The following OR14I1 variants were observed in gnomAD, a reference collection of about 807,000 sequenced individuals.
The protein encoded by OR14I1 is olfactory receptor 14I1.
For synonymous variants in OR14I1, 118 were observed against 71.1 expected (o/e 1.66, Z -3.32); for missense variants, 279 against 181.8 (o/e 1.53, Z -3.07).
chr1:248,686,971 A>G (rs1661666496), upstream of OR14I1, among the ~76,000 whole-genome samples: 1 of 152,336 alleles, frequency 6.6e-6, no homozygotes, highest in East Asian at 1.9e-4. Flanking sequence ...CTGGGCCGCC[A>G]CAGTCTGGAG....
chr1:248,702,527 G>T, the OR14I1 span, among the ~76,000 whole-genome samples: 20 of 150,200 alleles, frequency 1.3e-4, no homozygotes, highest in African/African-American at 4.4e-4. Context: ...ACTTTTTTTT[G>T]CCTTTCCCAC....
the OR14I1 span, among the ~76,000 whole-genome samples, chr1:248,695,465 C>A: frequency 6.6e-6 from 1 of 152,088 alleles, no homozygotes; most frequent in Non-Finnish European, 1.5e-5. Flanking sequence ...GATCACCTGA[C>A]CTCGTGATCC....
chr1:248,691,842 C>A, the OR14I1 span: 1 of 152,412 alleles, frequency 6.6e-6, no homozygotes, highest in Non-Finnish European at 1.5e-5. Flanking sequence ...ACGCAGCTGC[C>A]GGTCCAGCTG....
At chr1:248,701,610 TACTG>T in the OR14I1 span, among the ~76,000 whole-genome samples, 1 of 152,232 alleles carries the variant, frequency 6.6e-6, no homozygotes, top group Non-Finnish European at 1.5e-5. Context: ...ATGTTCATAA[TACTG>T]AGTGGACACA....
chr1:248,686,219 A>G (rs1661647930), upstream of OR14I1, among the ~76,000 whole-genome samples: 1 of 152,220 alleles, frequency 6.6e-6, no homozygotes, highest in African/African-American at 2.4e-5. Flanking sequence ...AAGAGACCTG[A>G]ATTCTTGTCA....
chr1:248,696,637 G>A, the OR14I1 span, among the ~76,000 whole-genome samples: 2 of 152,142 alleles, frequency 1.3e-5, no homozygotes, highest in Non-Finnish European at 2.9e-5. Context: ...TAAGTGTTTG[G>A]AAGTAGACCT....
At chr1:248,692,028 G>C in the OR14I1 span, 1 of 152,418 alleles carries the variant, frequency 6.6e-6, no homozygotes, top group African/African-American at 2.4e-5. Flanking sequence ...GCCCAGCAGC[G>C]GAAAGGCCAT....
chr1:248,687,822 A>G, the OR14I1 span, among the ~76,000 whole-genome samples: 1 of 152,254 alleles, frequency 6.6e-6, no homozygotes, highest in Non-Finnish European at 1.5e-5. Flanking sequence ...GCAATACTAT[A>G]AGGCAGTAGA....
the OR14I1 span, among the ~76,000 whole-genome samples, chr1:248,696,434 G>A: frequency 6.6e-6 from 1 of 152,142 alleles, no homozygotes; most frequent in East Asian, 1.9e-4. Context: ...GCCCATGACA[G>A]CAGGTGGCAG....
At chr1:248,678,856 T>A (rs1303045490), downstream of OR14I1, among the ~76,000 whole-genome samples, 1 of 151,708 alleles carries the variant, frequency 6.6e-6, no homozygotes, top group South Asian at 2.1e-4. Flanking sequence ...GAAAAAAAAA[T>A]AATTAGAATT....
downstream of OR14I1, among the ~76,000 whole-genome samples, chr1:248,680,002 AG>A (rs1661531422): frequency 6.6e-6 from 1 of 152,230 alleles, no homozygotes; most frequent in Non-Finnish European, 1.5e-5. Context: ...TTTCAAGAAC[AG>A]GAAAAAACAC....
chr1:248,681,896 C>G (rs1661573078), exon 1 of OR14I1: 2 of 780,934 alleles, frequency 2.6e-6, no homozygotes, highest in African/African-American at 1.7e-5. Context: ...TAGCACCCTC[C>G]TGATGTCATC....
chr1:248,690,687 T>G, the OR14I1 span, among the ~76,000 whole-genome samples: 326 of 146,176 alleles, frequency 2.2e-3, 1 homozygote, highest in Admixed American at 3.5e-3. Context: ...TTTGAAACTA[T>G]TCCAAACAAC....
upstream of OR14I1, among the ~76,000 whole-genome samples, chr1:248,686,765 C>A (rs1163383859): frequency 8.3e-6 from 1 of 120,716 alleles, no homozygotes; most frequent in Non-Finnish European, 1.9e-5. Context: ...ACCAGCAATA[C>A]CTTGATTAAA....
At chr1:248,687,051 T>C (rs77928070), upstream of OR14I1, among the ~76,000 whole-genome samples, 3,020 of 152,238 alleles carry the variant, frequency 0.02, 46 homozygotes, top group Middle Eastern at 0.068. Context: ...CTGGGTTAAA[T>C]TGTAAATTAC....
chr1:248,694,234 A>G, the OR14I1 span, among the ~76,000 whole-genome samples: 2 of 150,874 alleles, frequency 1.3e-5, no homozygotes, highest in African/African-American at 2.5e-5. Context: ...TTGTTTGAAT[A>G]TAATATTTTC....
chr1:248,694,832 C>G, the OR14I1 span, among the ~76,000 whole-genome samples: 1 of 152,178 alleles, frequency 6.6e-6, no homozygotes, highest in Non-Finnish European at 1.5e-5. Flanking sequence ...GATGAGAATA[C>G]CTGTTGCCCC....
At chr1:248,692,792 G>C in the OR14I1 span, 3 of 152,230 alleles carry the variant, frequency 2.0e-5, no homozygotes, top group Admixed American at 2.0e-4. Context: ...AGAGTACTAA[G>C]AATATTGGTT....
At chr1:248,696,025 G>A in the OR14I1 span, among the ~76,000 whole-genome samples, 216 of 152,172 alleles carry the variant, frequency 1.4e-3, 1 homozygote, top group African/African-American at 5.0e-3. Flanking sequence ...GTGTGGACAC[G>A]CCAATGCTGA....
Sources: gnomAD v4.1 joint callset for allele counts (sites outside exome capture counted in the v4.1 genomes callset) on GRCh38, gnomAD v4.1.1 for gene constraint, MANE v1.5 for transcripts, NCBI Gene and HGNC (gene_info 2026-07-23, HGNC 2026-07-21) for gene names.